The following ITGA6 variants were observed in gnomAD, a reference collection of about 807,000 sequenced individuals.
ITGA6 encodes the protein integrin subunit alpha 6, also known as integrin alpha-6.
ITGA6 carries 63 observed loss-of-function variants against 133.6 expected under a neutral mutation model. The observed-to-expected ratio is 0.47, with a 90% CI of 0.38 to 0.58. ITGA6 has a LOEUF of 0.58. Among genes scored for constraint, ITGA6 ranks in the 20% least tolerant of loss-of-function variants. The pLI, the probability that ITGA6 is intolerant of heterozygous loss-of-function variation, is 0.00. For missense variants in ITGA6, 1,068 were observed against 1,309.4 expected, an observed-to-expected ratio of 0.82 and a Z score of 2.85; for synonymous variants, 434 against 482.0, an observed-to-expected ratio of 0.90 and a Z score of 1.30.
chr2:172,495,905 A>T (rs1687108068), intron 23 of ITGA6, among the ~76,000 whole-genome samples: 1 of 152,250 alleles, frequency 6.6e-6, no homozygotes, highest in South Asian at 2.1e-4. Flanking sequence ...CAGTGTCATT[A>T]TAATAAAGCT....
At chr2:172,434,773 C>A (rs1016059355) in intron 1 of ITGA6, among the ~76,000 whole-genome samples, 2 of 151,960 alleles carry the variant, frequency 1.3e-5, no homozygotes, top group Non-Finnish European at 2.9e-5. Context: ...CTGAAACTTA[C>A]TTTTTTGAAA....
intron 1 of ITGA6, among the ~76,000 whole-genome samples, chr2:172,435,016 A>G (rs1434677064): frequency 7.1e-6 from 1 of 140,920 alleles, no homozygotes; most frequent in Admixed American, 7.1e-5. Flanking sequence ...ATTTGTACTG[A>G]GGTGGTTTTA....
At chr2:172,456,052 G>T (rs1338238907) in intron 1 of ITGA6, among the ~76,000 whole-genome samples, 8 of 152,310 alleles carry the variant, frequency 5.3e-5, no homozygotes, top group African/African-American at 1.9e-4. Context: ...CTAAGCAGTC[G>T]AGGCAGGCCA....
Position 172,487,102 on chromosome 2 carries a change from G to C in ITGA6, c.1934G>C (p.Arg645Pro). ...NLKLEYKFCTREGNQDKFSYL... is the reference protein window; with the variant it reads ...NLKLEYKFCTPEGNQDKFSYL... ...AAACTAGAATATAAATTTTGCACCC[G>C]AGAAGGAAATCAAGACAAATTTTCT... is the stretch of plus-strand genomic sequence containing the variant. The change falls in exon 14 of 26, where the codon CGA (arginine) becomes CCA (proline). Residue 645 changes from arginine (R) to proline (P), a missense_variant. Transcript: ENST00000684293. 6.2e-7 allele frequency: 1 copy of C among 1,611,794 alleles called. No individual in the cohort carries two copies. Among genetic ancestry groups the C allele is most frequent in the Non-Finnish European group, 8.5e-7 (1 of 1,177,904 alleles).
intron 9 of ITGA6, among the ~76,000 whole-genome samples, chr2:172,477,215 G>A (rs1686215769): frequency 6.6e-6 from 1 of 151,882 alleles, no homozygotes. Context: ...TGATATATGT[G>A]CTTCAAGACT....
chr2:172,475,434 G>A (rs1046704372), intron 7 of ITGA6, among the ~76,000 whole-genome samples, 163 bp from the exon 8 acceptor site: 2 of 152,090 alleles, frequency 1.3e-5, no homozygotes, highest in Non-Finnish European at 2.9e-5. Context: ...TTGCACTCCA[G>A]CCTGGGCAAC....
rs1683939316 is a variant in ITGA6, at chr2:172,428,112, C to T, written c.182+142C>T. ...GGGCCGGCCGAGGCGCACCCAGCGC[C>T]CAGCGCGCTCGGCTCCCCGCCCTGA... On this transcript the variant is annotated intron_variant, in intron 1 of 25. Transcript: ENST00000684293. The T allele has an allele frequency of 1.1e-5, 8 of 730,990 alleles. No individual in the cohort carries two copies. In the East Asian group the frequency reaches 3.5e-4, roughly 32 times the overall value. 45.3% of individuals were successfully genotyped at this position (730,990 alleles called of 1,614,324 possible).
At chr2:172,478,816 G>A (rs1437648660) in intron 9 of ITGA6, among the ~76,000 whole-genome samples, 2 of 152,176 alleles carry the variant, frequency 1.3e-5, no homozygotes, top group Non-Finnish European at 2.9e-5. Flanking sequence ...GGGAGACTCC[G>A]AGGGAGGCTG....
chr2:172,429,628 T>C (rs3135437), intron 1 of ITGA6, among the ~76,000 whole-genome samples: 2 of 152,242 alleles, frequency 1.3e-5, no homozygotes, highest in African/African-American at 4.8e-5. Context: ...GCATGCTTGC[T>C]AAAACTTGTT....
chr2:172,479,144 TAC>T (rs1403008649), intron 9 of ITGA6, among the ~76,000 whole-genome samples: 1 of 152,154 alleles, frequency 6.6e-6, no homozygotes, highest in Non-Finnish European at 1.5e-5. Context: ...GTTACACTGA[TAC>T]AGTGTAACGC....
intron 1 of ITGA6, among the ~76,000 whole-genome samples, chr2:172,456,059 G>A (rs185261520): frequency 6.6e-6 from 1 of 152,326 alleles, no homozygotes; most frequent in Admixed American, 6.5e-5. Flanking sequence ...GTCGAGGCAG[G>A]CCACCAGGTT....
Position 172,487,821 on chromosome 2 carries a change from C to T in ITGA6, c.2324+14C>T. The T allele has an allele frequency of 6.4e-7, 1 of 1,565,158 alleles. No individual in the cohort carries two copies. Among genetic ancestry groups the T allele is most frequent in the Non-Finnish European group, 8.8e-7 (1 of 1,135,792 alleles). Reference sequence around the variant, plus strand: ...GAAGTTAGAAACGTAAGAGTTACATCAACCTCTCCATTCAGAATTATTTCA... The same window carrying T: ...GAAGTTAGAAACGTAAGAGTTACATTAACCTCTCCATTCAGAATTATTTCA... On this transcript the variant is annotated intron_variant, in intron 17 of 25. Transcript: ENST00000684293.
intron 7 of ITGA6, 132 bp from the exon 8 acceptor site, chr2:172,475,465 A>G (rs1673838057): frequency 2.8e-6 from 2 of 723,462 alleles, no homozygotes; most frequent in Admixed American, 2.2e-5. Context: ...CTCCATCTCA[A>G]AAAAAACAAA....
At chr2:172,432,050 G>C (rs1474816174) in intron 1 of ITGA6, among the ~76,000 whole-genome samples, 2 of 152,162 alleles carry the variant, frequency 1.3e-5, no homozygotes, top group Admixed American at 1.3e-4. Context: ...GTTTCCTGAA[G>C]ACCTCGGCTC....
chr2:172,478,563 G>A (rs552444121), intron 9 of ITGA6, among the ~76,000 whole-genome samples: 13 of 152,314 alleles, frequency 8.5e-5, no homozygotes, highest in African/African-American at 2.6e-4. Flanking sequence ...CCACAGACCC[G>A]TGGAGACCCC....
At chr2:172,428,410 C>A (rs1574303324) in intron 1 of ITGA6, 1 of 152,146 alleles carries the variant, frequency 6.6e-6, no homozygotes, top group African/African-American at 2.4e-5. Flanking sequence ...AGGCCTTTCC[C>A]AAACTCACGG....
chr2:172,494,759 A>C (rs905477650), intron 23 of ITGA6, among the ~76,000 whole-genome samples: 4 of 152,210 alleles, frequency 2.6e-5, no homozygotes, highest in African/African-American at 9.6e-5. Context: ...AGAACCAGGA[A>C]AACACTGTCA....
At chr2:172,461,335 G>A (rs1195166599) in intron 1 of ITGA6, among the ~76,000 whole-genome samples, 10 of 152,040 alleles carry the variant, frequency 6.6e-5, no homozygotes, top group Non-Finnish European at 1.2e-4. Flanking sequence ...TTTTTATTTC[G>A]GTGCAGCTTT....
Position 172,467,577 on chromosome 2 carries a change from A to T in ITGA6, c.387+17A>T, listed in dbSNP as rs1382567700. On this transcript the variant is annotated intron_variant, in intron 3 of 25. Coordinates refer to ENST00000684293, the MANE Select transcript of ITGA6 (RefSeq NM_000210.4). ...AAGGTCGTGGTAAGTGTAGAGACAC[A>T]TGTTCATCCTATACTGTTGGACTGC... 2 of 1,594,186 alleles carry T rather than the reference A, an allele frequency of 1.3e-6. No homozygotes were observed. Among genetic ancestry groups the T allele is most frequent in the African/African-American group, 1.3e-5 (1 of 74,540 alleles).
Sources: allele counts gnomAD v4.1 joint callset (sites outside exome capture counted in the v4.1 genomes callset), GRCh38; gene constraint gnomAD v4.1.1; transcripts MANE v1.5; gene names NCBI Gene and HGNC (gene_info 2026-07-23, HGNC 2026-07-21).